The following MYO16 variants were observed in gnomAD, a reference collection of about 807,000 sequenced individuals.
The protein encoded by MYO16 is unconventional myosin-XVI.
In MYO16, 94 loss-of-function variants were observed where a neutral mutation model predicts 205.3. The observed-to-expected ratio is 0.46, with a 90% confidence interval of 0.39 to 0.54. MYO16 has a LOEUF of 0.54. MYO16 is among the 20% of genes least tolerant of loss of function. The pLI, the probability that MYO16 is intolerant of heterozygous loss-of-function variation, is 0.00. For synonymous variants in MYO16, 988 were observed against 954.0 expected, an observed-to-expected ratio of 1.04 and a Z score of -0.66; for missense variants, 2,315 against 2,387.5, an observed-to-expected ratio of 0.97 and a Z score of 0.63.
At chr13:108,864,602 T>C (rs1020338485) in intron 11 of MYO16, among the ~76,000 whole-genome samples, 1 of 152,096 alleles carries the variant, frequency 6.6e-6, no homozygotes, top group Non-Finnish European at 1.5e-5. Context: ...GATATCAGCT[T>C]ACTGCAGCCT....
At chr13:108,912,947 T>G (rs910865258) in intron 16 of MYO16, among the ~76,000 whole-genome samples, 11 of 152,168 alleles carry the variant, frequency 7.2e-5, no homozygotes, top group Non-Finnish European at 1.6e-4. Flanking sequence ...CTTCTTGATC[T>G]GTGGTTTGGA....
At chr13:108,957,150 C>T (rs1360290559) in intron 16 of MYO16, among the ~76,000 whole-genome samples, 5 of 152,038 alleles carry the variant, frequency 3.3e-5, no homozygotes, top group Admixed American at 6.5e-5. Flanking sequence ...CTTTGGGAGG[C>T]CGAGGTGGGT....
rs565205340 is a variant in MYO16, at chr13:108,809,568, G to A, written c.867+2764G>A. On this transcript the variant is annotated intron_variant, in intron 7 of 34. Coordinates refer to ENST00000457511, the MANE Select transcript of MYO16 (RefSeq NM_001198950.3). ...AAGAGAGTTGGGGGATGTATGCTTCGGGCGGGCAGCAGATGCCACACACTT... is the reference window on the plus strand; with the variant it reads ...AAGAGAGTTGGGGGATGTATGCTTCAGGCGGGCAGCAGATGCCACACACTT... 8.5e-5 allele frequency among the ~76,000 whole-genome samples: 13 copies of A among 152,214 alleles called. No homozygotes were observed. The East Asian group carries it at 1.4e-3, about 16-fold the overall frequency.
chr13:108,952,628 T>C (rs2139343818), intron 16 of MYO16, among the ~76,000 whole-genome samples: 1 of 152,258 alleles, frequency 6.6e-6, no homozygotes, highest in East Asian at 1.9e-4. Flanking sequence ...ATAGCACCAA[T>C]GTTAACAGTC....
intron 29 of MYO16, among the ~76,000 whole-genome samples, chr13:109,123,906 TAA>T (rs1876117518): frequency 6.6e-6 from 1 of 152,180 alleles, no homozygotes; most frequent in South Asian, 2.1e-4. Context: ...AGGGCAAAAA[TAA>T]AGTGTCTTTG....
chr13:109,172,932 G>C (rs545327682), intron 33 of MYO16, among the ~76,000 whole-genome samples: 2 of 152,314 alleles, frequency 1.3e-5, no homozygotes, highest in East Asian at 3.9e-4. Context: ...AAATGCCCAC[G>C]TGTACAGCCA....
intron 20 of MYO16, among the ~76,000 whole-genome samples, chr13:108,966,076 C>T (rs889031029): frequency 3.3e-4 from 51 of 152,294 alleles, no homozygotes; most frequent in African/African-American, 1.1e-3. Flanking sequence ...AAAATGTACA[C>T]ATCTCAAATC....
chr13:108,941,236 T>C (rs1882707717), intron 16 of MYO16, among the ~76,000 whole-genome samples: 1 of 152,108 alleles, frequency 6.6e-6, no homozygotes, highest in South Asian at 2.1e-4. Context: ...ATGAATCCAT[T>C]TCCAGTAAGA....
intron 33 of MYO16, among the ~76,000 whole-genome samples, chr13:109,171,484 A>T (rs942537319): frequency 6.6e-6 from 1 of 152,228 alleles, no homozygotes; most frequent in Non-Finnish European, 1.5e-5. Flanking sequence ...CTTCCCAGAA[A>T]TAATTATCTG....
intron 28 of MYO16, among the ~76,000 whole-genome samples, chr13:109,114,313 T>C (rs1176789637): frequency 6.6e-6 from 1 of 152,198 alleles, no homozygotes; most frequent in East Asian, 1.9e-4. Context: ...GAACAGAATC[T>C]ACATTTTGAC....
chr13:109,042,133 A>C (rs1254809627), intron 23 of MYO16, among the ~76,000 whole-genome samples: 2 of 152,116 alleles, frequency 1.3e-5, no homozygotes, highest in Non-Finnish European at 2.9e-5. Context: ...AAAAGTGTTG[A>C]GATTACAGGC....
In MYO16 at chr13:108,992,216, G is replaced by GT. The variant is rs1185496218; in HGVS notation, c.2370-152dup. On this transcript the variant is annotated intron_variant, in intron 20 of 34. Coordinates refer to ENST00000457511, the MANE Select transcript of MYO16 (RefSeq NM_001198950.3). ...AGTTTTGGGGGGGCTAACTTTCAGA[G>GT]TTTTTTTTAATGAGACTCTAAAATA... is the stretch of plus-strand genomic sequence containing the variant. Among the ~76,000 whole-genome samples, 7 of 152,032 alleles carry GT rather than the reference G, an allele frequency of 4.6e-5. No individual in the cohort carries two copies. In the East Asian group the frequency reaches 7.7e-4, roughly 17 times the overall value.
chr13:108,709,817 C>A (rs900868210), intron 2 of MYO16, among the ~76,000 whole-genome samples: 1 of 134,262 alleles, frequency 7.4e-6, no homozygotes, highest in Non-Finnish European at 1.6e-5. Flanking sequence ...TCGACTTTGT[C>A]TTATTCTTGA....
intron 16 of MYO16, among the ~76,000 whole-genome samples, chr13:108,912,335 G>A (rs1881304110): frequency 1.3e-5 from 2 of 152,056 alleles, no homozygotes; most frequent in Admixed American, 6.5e-5. Context: ...AGTGTAAAAG[G>A]CCTTATCAAA....
At chr13:108,855,360 G>C in intron 10 of MYO16, 83 bp from the exon 11 acceptor site, 1 of 677,186 alleles carries the variant, frequency 1.5e-6, no homozygotes, top group Non-Finnish European at 2.4e-6. Flanking sequence ...TGTTTGACAG[G>C]TAATTGAAAG....
rs1163408395 is a variant in MYO16 at position 108,757,649 on chromosome 13, GC to G, written c.508-27982del. Among the ~76,000 whole-genome samples, 3 of 151,946 alleles carry G rather than the reference GC, an allele frequency of 2.0e-5. No homozygotes were observed. The East Asian group carries it at 5.9e-4, about 30-fold the overall frequency. Reference sequence around the variant, plus strand: ...CCCCCTTCTCCCCACCCCACAACAGGCCCCAGTGTGTGATGTTCCCCTTCCT... The same window carrying G: ...CCCCCTTCTCCCCACCCCACAACAGGCCCAGTGTGTGATGTTCCCCTTCCT... On this transcript the variant is annotated intron_variant, in intron 4 of 34. Coordinates refer to ENST00000457511, the MANE Select transcript of MYO16 (RefSeq NM_001198950.3).
intron 28 of MYO16, among the ~76,000 whole-genome samples, chr13:109,105,534 G>A (rs535368242): frequency 5.5e-4 from 84 of 152,114 alleles, no homozygotes; most frequent in South Asian, 5.4e-3. Context: ...AGAATCCAAT[G>A]GATTTTTAGC....
chr13:108,711,331 G>T (rs1883713683), intron 2 of MYO16, among the ~76,000 whole-genome samples: 1 of 152,218 alleles, frequency 6.6e-6, no homozygotes, highest in African/African-American at 2.4e-5. Flanking sequence ...CAGATTCTAG[G>T]TTATGAAAAT....
the MYO16 span, among the ~76,000 whole-genome samples, chr13:108,572,424 A>T: frequency 3.0e-3 from 453 of 152,300 alleles, 5 homozygotes; most frequent in African/African-American, 0.01. Flanking sequence ...CAGTTATTAT[A>T]ATAAGTAAAG....
Sources: allele counts gnomAD v4.1 joint callset (sites outside exome capture counted in the v4.1 genomes callset), GRCh38; gene constraint gnomAD v4.1.1; transcripts MANE v1.5; gene names NCBI Gene and HGNC (gene_info 2026-07-23, HGNC 2026-07-21).